Variants in ARHGEF28 observed in about 807,000 individuals in gnomAD.
ARHGEF28 encodes 190 kDa guanine nucleotide exchange factor.
Under a neutral mutation model 206.6 loss-of-function variants are expected in ARHGEF28, and 152 were observed. The observed-to-expected ratio is 0.74, with a 90% confidence interval of 0.64 to 0.84. ARHGEF28 has a LOEUF of 0.84. ARHGEF28 is among the 40% of genes least tolerant of loss of function. The probability of loss-of-function intolerance (pLI) is 0.00; values close to 1 mark genes in which losing one functional copy is unlikely to be tolerated. For synonymous variants in ARHGEF28, 763 were observed against 776.4 expected (o/e 0.98, Z 0.29); for missense variants, 2,028 against 2,073.2 (o/e 0.98, Z 0.42).
intron 2 of ARHGEF28, among the ~76,000 whole-genome samples, chr5:73,707,009 G>A (rs1273277889): frequency 1.3e-5 from 2 of 152,186 alleles, no homozygotes; most frequent in Non-Finnish European, 2.9e-5. Flanking sequence ...CTGCAGAGCT[G>A]AGAGTGCTAG....
intron 2 of ARHGEF28, among the ~76,000 whole-genome samples, chr5:73,696,374 A>G (rs1397793453): frequency 6.6e-6 from 1 of 152,014 alleles, no homozygotes; most frequent in Non-Finnish European, 1.5e-5. Context: ...CCTGGCCAGG[A>G]CCTTTGTATG....
intron 4 of ARHGEF28, among the ~76,000 whole-genome samples, chr5:73,762,755 T>C (rs1752676730): frequency 6.6e-6 from 1 of 152,096 alleles, no homozygotes; most frequent in Non-Finnish European, 1.5e-5. Flanking sequence ...ATCACTGCAG[T>C]TGGGGCCAAT....
rs550256415 is a variant in ARHGEF28 at position 73,794,274 on chromosome 5, C to T, written c.911-128C>T. On this transcript the variant is annotated intron_variant, in intron 7 of 35. Coordinates refer to ENST00000513042, the MANE Select transcript of ARHGEF28 (RefSeq NM_001177693.2). ...CTGTGGAGAGCTGATTTTTAAGAGG[C>T]CTAATCTAAAAACCTATCTCTGTGC... 3.0e-4 allele frequency: 203 copies of T among 669,076 alleles called. No individual in the cohort carries two copies. The African/African-American group carries it at 3.3e-3, about 11-fold the overall frequency. The allele number at this position is 669,076 out of a possible 1,614,324, so 41.4% of individuals were successfully genotyped here.
In ARHGEF28 at chr5:73,701,527, A is replaced by G. The variant is rs908621467; in HGVS notation, c.33+16643A>G. 5.9e-5 allele frequency among the ~76,000 whole-genome samples: 9 copies of G among 152,132 alleles called. No homozygotes were observed. In the East Asian group the frequency reaches 1.7e-3, roughly 29 times the overall value. On this transcript the variant is annotated intron_variant, in intron 2 of 35. Coordinates refer to ENST00000513042, the MANE Select transcript of ARHGEF28 (RefSeq NM_001177693.2). ...GGGGGTGCAGAATAATTTTTGAAGC[A>G]TTTTTGATGGCTCAGAATTGCAAGT...
At chr5:73,934,842 T>A (rs73762556) in intron 35 of ARHGEF28, among the ~76,000 whole-genome samples, 3,336 of 152,300 alleles carry the variant, frequency 0.022, 98 homozygotes, top group African/African-American at 0.077. Flanking sequence ...TACATTCTTT[T>A]ATCGTCAATA....
chr5:73,780,854 G>A, intron 7 of ARHGEF28, 109 bp downstream of exon 7: 1 of 1,207,738 alleles, frequency 8.3e-7, no homozygotes, highest in Non-Finnish European at 1.2e-6. Flanking sequence ...AAGGGGCTCA[G>A]AGGCAAGATC....
intron 2 of ARHGEF28, among the ~76,000 whole-genome samples, chr5:73,688,875 C>T (rs1217277911): frequency 6.6e-6 from 1 of 152,142 alleles, no homozygotes; most frequent in African/African-American, 2.4e-5. Context: ...AGGATGGCCT[C>T]GATATCTTGA....
chr5:73,784,775 A>T lies in ARHGEF28; in HGVS notation c.910+4030A>T, dbSNP rs536697453. ...CACCTATGATAAAGTTTAATTTATA[A>T]ATTAGGCATAGTAAAGGTTAACAAT... is the stretch of plus-strand genomic sequence containing the variant. On this transcript the variant is annotated intron_variant, in intron 7 of 35. Coordinates refer to ENST00000513042, the MANE Select transcript of ARHGEF28 (RefSeq NM_001177693.2). 6.6e-5 allele frequency among the ~76,000 whole-genome samples: 10 copies of T among 152,316 alleles called. No individual in the cohort carries two copies. The South Asian group carries it at 2.1e-3, about 32-fold the overall frequency.
At chr5:73,921,444 G>A (rs890450836) in intron 35 of ARHGEF28, among the ~76,000 whole-genome samples, 4 of 152,142 alleles carry the variant, frequency 2.6e-5, no homozygotes, top group Admixed American at 2.0e-4. Flanking sequence ...CCTTGAATAA[G>A]GGGCCACAGT....
At chr5:73,847,550 T>C (rs1758443190) in intron 12 of ARHGEF28, among the ~76,000 whole-genome samples, 1 of 152,220 alleles carries the variant, frequency 6.6e-6, no homozygotes. Flanking sequence ...GAAGTTTGTA[T>C]GGTTGTTATG....
At chr5:73,828,574 C>T (rs1757059304) in intron 9 of ARHGEF28, among the ~76,000 whole-genome samples, 1 of 121,886 alleles carries the variant, frequency 8.2e-6, no homozygotes, top group Non-Finnish European at 1.9e-5. Flanking sequence ...GCTAAGCCAC[C>T]TTTTCTTCCT....
At chr5:73,774,328 G>A (rs1362432653) in intron 5 of ARHGEF28, among the ~76,000 whole-genome samples, 1 of 152,124 alleles carries the variant, frequency 6.6e-6, no homozygotes, top group Non-Finnish European at 1.5e-5. Flanking sequence ...CCCCTTCTGT[G>A]TTATTCTCTT....
intron 2 of ARHGEF28, among the ~76,000 whole-genome samples, chr5:73,696,890 G>A (rs1049473196): frequency 2.0e-5 from 3 of 152,184 alleles, no homozygotes; most frequent in Admixed American, 2.0e-4. Context: ...AGTTTTCCCA[G>A]CAGGTATGTG....
At chr5:73,832,524 T>C in intron 10 of ARHGEF28, 65 bp downstream of exon 10, 2 of 1,567,204 alleles carry the variant, frequency 1.3e-6, no homozygotes, top group Middle Eastern at 1.7e-4. Context: ...TTGTAAGAAA[T>C]AGATTCAGCA....
chr5:73,696,912 T>G (rs111967990), intron 2 of ARHGEF28, among the ~76,000 whole-genome samples: 98 of 152,338 alleles, frequency 6.4e-4, no homozygotes, highest in African/African-American at 2.3e-3. Flanking sequence ...CCATCACTAT[T>G]TTGGGACTGG....
intron 1 of ARHGEF28, among the ~76,000 whole-genome samples, chr5:73,658,897 TC>T (rs1745399968): frequency 6.6e-6 from 1 of 151,988 alleles, no homozygotes; most frequent in African/African-American, 2.4e-5. Context: ...AATGAGTTTT[TC>T]TTCACAAATG....
At chr5:73,754,795 C>T (rs762638109) in intron 4 of ARHGEF28, among the ~76,000 whole-genome samples, 20 of 152,030 alleles carry the variant, frequency 1.3e-4, no homozygotes, top group Non-Finnish European at 1.9e-4. Flanking sequence ...TTCTTGGGCT[C>T]ATGTGATCCT....
At chr5:73,852,422 A>G (rs1196307257) in intron 13 of ARHGEF28, among the ~76,000 whole-genome samples, 1 of 152,182 alleles carries the variant, frequency 6.6e-6, no homozygotes, top group East Asian at 1.9e-4. Context: ...AAGTCATTAA[A>G]TGTTGGCATA....
chr5:73,925,662 C>T (rs1763756083), intron 35 of ARHGEF28, among the ~76,000 whole-genome samples: 1 of 152,218 alleles, frequency 6.6e-6, no homozygotes. Flanking sequence ...TGCAATCCAT[C>T]ACCATGGGTG....
Sources: allele counts gnomAD v4.1 joint callset (sites outside exome capture counted in the v4.1 genomes callset), GRCh38; gene constraint gnomAD v4.1.1; transcripts MANE v1.5; gene names NCBI Gene and HGNC (gene_info 2026-07-23, HGNC 2026-07-21).